Variants in ILDR1 observed in about 807,000 individuals in gnomAD.
ILDR1 encodes immunoglobulin-like domain-containing receptor 1.
Under a neutral mutation model 62.4 loss-of-function variants are expected in ILDR1, and 56 were observed. That is an observed-to-expected ratio of 0.90 (90% CI 0.72 to 1.12). The LOEUF is 1.12. Ranked by LOEUF, ILDR1 falls within the 50% of genes most tolerant of loss-of-function variation. The pLI is 0.00. For missense variants in ILDR1, 736 were observed against 710.6 expected, an observed-to-expected ratio of 1.04 and a Z score of -0.41; for synonymous variants, 284 against 277.8, an observed-to-expected ratio of 1.02 and a Z score of -0.22.
chr3:122,026,842 G>T (rs2071925206), upstream of ILDR1, among the ~76,000 whole-genome samples: 1 of 152,040 alleles, frequency 6.6e-6, no homozygotes, highest in Non-Finnish European at 1.5e-5. Context: ...TTATAAAATA[G>T]AATTAAAAGG....
intron 1 of ILDR1, 168 bp from the exon 2 acceptor site, chr3:122,007,329 G>A: frequency 6.7e-7 from 1 of 1,503,036 alleles, no homozygotes; most frequent in Non-Finnish European, 9.0e-7. Flanking sequence ...TGGGTGGGGT[G>A]GGGTGAGAAC....
In ILDR1 at chr3:122,005,230, T is replaced by G. The variant is rs376026002; in HGVS notation, c.379+14A>C. 4.3e-5 allele frequency: 22 copies of G among 517,430 alleles called. No individual in the cohort carries two copies. The highest frequency in any genetic ancestry group is 6.7e-5 in the Non-Finnish European group (21 of 311,786). 32.1% of individuals were successfully genotyped at this position (517,430 alleles called of 1,614,324 possible). The stretch of plus-strand genomic sequence containing the variant: ...CCCCACCCCCAGTTCCCCTGACACC[T>G]CCCCCGCACTCACGGTTCTGGATGG... On this transcript the variant is annotated intron_variant, in intron 3 of 7. Transcript: ENST00000344209.
At chr3:122,038,350 A>G in the ILDR1 span, among the ~76,000 whole-genome samples, 1 of 152,124 alleles carries the variant, frequency 6.6e-6, no homozygotes, top group African/African-American at 2.4e-5. Flanking sequence ...TTAGAGAAAC[A>G]CTCTGGCAAA....
chr3:122,023,612 T>A (rs2107684799), upstream of ILDR1, among the ~76,000 whole-genome samples: 1 of 152,272 alleles, frequency 6.6e-6, no homozygotes, highest in South Asian at 2.1e-4. Context: ...TGATGCGGGA[T>A]CTTAACCCAG....
At position 122,001,374 on chromosome 3, in the gene ILDR1, G is replaced by A; in HGVS notation, c.580C>T (p.Pro194Ser). 2 of 1,614,142 alleles carry A rather than the reference G, an allele frequency of 1.2e-6. No homozygotes were observed. The highest frequency in any genetic ancestry group is 2.2e-5 in the East Asian group (1 of 44,886). Residue 194 changes from proline to serine, a missense_variant, in exon 5 of 8, where the codon CCT (proline) becomes TCT (serine). By Grantham distance (74) the Pro-to-Ser change is moderately conservative. Coordinates refer to ENST00000344209, the MANE Select transcript of ILDR1 (RefSeq NM_001199799.2). Reference protein sequence around the residue: ...LIGVCWCQCCPQYCCCYIRCP... With the variant: ...LIGVCWCQCCSQYCCCYIRCP... ...CGGATATAGCAGCAGCAATACTGAG[G>A]ACAGCACTGGCACCAGCACACTCCA...
chr3:121,989,405 CA>C (rs2059957063), intron 7 of ILDR1, among the ~76,000 whole-genome samples: 3 of 152,056 alleles, frequency 2.0e-5, no homozygotes, highest in Admixed American at 2.0e-4. Flanking sequence ...AACATTAAAT[CA>C]AAAAGTCAAG....
the ILDR1 span, among the ~76,000 whole-genome samples, chr3:122,032,332 G>T: frequency 1.3e-5 from 2 of 152,108 alleles, no homozygotes; most frequent in African/African-American, 4.8e-5. Context: ...GTATTCCATT[G>T]TATTAGAATA....
chr3:122,035,036 G>A, the ILDR1 span, among the ~76,000 whole-genome samples: 1 of 152,100 alleles, frequency 6.6e-6, no homozygotes, highest in Admixed American at 6.5e-5. Context: ...ATCCCACTAG[G>A]AGCTCAAGAG....
chr3:122,056,219 C>A, the ILDR1 span, among the ~76,000 whole-genome samples: 2 of 152,256 alleles, frequency 1.3e-5, no homozygotes, highest in South Asian at 4.2e-4. Context: ...ATCTTTCCTG[C>A]CCGCTTCGTG....
upstream of ILDR1, among the ~76,000 whole-genome samples, chr3:122,023,158 AT>A (rs939507990): frequency 3.8e-4 from 58 of 151,014 alleles, no homozygotes; most frequent in African/African-American, 1.4e-3. Context: ...ATGTTTATTT[AT>A]TTTTTCTTAT....
chr3:122,050,816 T>G, the ILDR1 span, among the ~76,000 whole-genome samples: 1 of 152,206 alleles, frequency 6.6e-6, no homozygotes, highest in Non-Finnish European at 1.5e-5. Context: ...TAGCATTTCT[T>G]GAAAGGCAAC....
the ILDR1 span, among the ~76,000 whole-genome samples, chr3:122,048,134 T>C: frequency 1.5e-4 from 23 of 152,364 alleles, no homozygotes; most frequent in African/African-American, 5.3e-4. Context: ...TCTTTCCTTC[T>C]ATTCCTAGTT....
the ILDR1 span, among the ~76,000 whole-genome samples, chr3:122,045,970 G>A: frequency 0.015 from 2,251 of 148,430 alleles, 65 homozygotes; most frequent in African/African-American, 0.052. Flanking sequence ...TATGATGTTA[G>A]CTGGTTATTT....
the ILDR1 span, among the ~76,000 whole-genome samples, chr3:122,039,593 A>G: frequency 1.3e-5 from 2 of 152,106 alleles, no homozygotes; most frequent in African/African-American, 4.8e-5. Flanking sequence ...AAATACTGGT[A>G]AAATTCATTG....
the ILDR1 span, among the ~76,000 whole-genome samples, chr3:122,059,081 A>G: frequency 1.3e-5 from 2 of 152,106 alleles, no homozygotes; most frequent in South Asian, 2.1e-4. Flanking sequence ...CTTCTCTAAC[A>G]TGTTGAGTTT....
the ILDR1 span, among the ~76,000 whole-genome samples, chr3:122,046,626 T>A: frequency 6.6e-6 from 1 of 151,370 alleles, no homozygotes; most frequent in Non-Finnish European, 1.5e-5. Flanking sequence ...TTCTTTTTAT[T>A]CTTTTTTCTC....
At chr3:122,046,077 T>C in the ILDR1 span, among the ~76,000 whole-genome samples, 1 of 149,474 alleles carries the variant, frequency 6.7e-6, no homozygotes, top group African/African-American at 2.4e-5. Context: ...TTTCCATGTT[T>C]AGCACTTCCT....
At chr3:122,021,935 G>A (rs947109724) in intron 1 of ILDR1, 85 bp downstream of exon 1, 6 of 1,363,120 alleles carry the variant, frequency 4.4e-6, no homozygotes, top group Non-Finnish European at 6.1e-6. Flanking sequence ...CCACTGCCCT[G>A]CCCGCGGCCA....
rs770157252 is a variant in ILDR1, at chr3:122,001,382, T to C, written c.572A>G (p.Gln191Arg). The C allele has an allele frequency of 6.2e-7, 1 of 1,614,090 alleles. No individual in the cohort carries two copies. The highest frequency in any genetic ancestry group is 1.1e-5 in the South Asian group (1 of 91,074). ...GCAGCAGCAATACTGAGGACAGCACTGGCACCAGCACACTCCAATCAGCAG... is the reference window on the plus strand; with the variant it reads ...GCAGCAGCAATACTGAGGACAGCACCGGCACCAGCACACTCCAATCAGCAG... The part of the protein sequence containing the change: ...LLLLIGVCWC[Q>R]CCPQYCCCYI... Residue 191 changes from glutamine (Q) to arginine (R), a missense_variant, in exon 5 of 8, where the codon CAG (glutamine) becomes CGG (arginine). Physicochemically the swap from Gln to Arg is conservative, Grantham distance 43. Coordinates refer to ENST00000344209, the MANE Select transcript of ILDR1 (RefSeq NM_001199799.2).
Sources: allele counts gnomAD v4.1 joint callset (sites outside exome capture counted in the v4.1 genomes callset), GRCh38; gene constraint gnomAD v4.1.1; transcripts MANE v1.5; gene names NCBI Gene and HGNC (gene_info 2026-07-23, HGNC 2026-07-21).